The following EMC8 variants were observed in gnomAD, a reference collection of about 807,000 sequenced individuals.
EMC8 encodes the protein COX4 neighbor.
In EMC8, 11 loss-of-function variants were observed where a neutral mutation model predicts 24.3. The ratio of observed to expected loss-of-function variants is 0.45; its 90% CI spans 0.28 to 0.75. The LOEUF (loss-of-function observed/expected upper bound fraction) is 0.75. Among genes scored for constraint, EMC8 ranks in the 30% least tolerant of loss-of-function variants. EMC8 has a pLI of 0.12. For missense variants in EMC8, 277 were observed against 282.7 expected, an observed-to-expected ratio of 0.98 and a Z score of 0.14; for synonymous variants, 145 against 117.7, an observed-to-expected ratio of 1.23 and a Z score of -1.50.
Position 85,780,392 on chromosome 16 carries a change from T to C in EMC8, c.460A>G (p.Arg154Gly). ...GGGCGCACTCACTGGTGTGGGTCTC[T>C]GCACCGCCATCTGTTCTCATGGTGC... ...YEHHENRWRC[R>G]DPHHDYCEDW... The change falls in exon 4 of 5, where the codon AGA (arginine) becomes GGA (glycine). Residue 154 changes from arginine to glycine, a missense_variant. Transcript: ENST00000253457. 1.2e-6 allele frequency: 2 copies of C among 1,613,990 alleles called. No homozygotes were observed. Among genetic ancestry groups the C allele is most frequent in the Non-Finnish European group, 1.7e-6 (2 of 1,179,846 alleles).
chr16:85,792,299 CCTGG>C (rs1403349944), intron 1 of EMC8: 8 of 152,194 alleles, frequency 5.3e-5, no homozygotes, highest in Non-Finnish European at 1.2e-4. Context: ...AATGTCATGA[CCTGG>C]AACTTTAAGT....
At chr16:85,784,564 G>C (rs763678072) in intron 2 of EMC8, 1 of 152,116 alleles carries the variant, frequency 6.6e-6, no homozygotes, top group Non-Finnish European at 1.5e-5. Context: ...GAGGGAAGGG[G>C]AGGTTTTCAG....
At chr16:85,789,081 G>A in intron 1 of EMC8, 31 bp from the exon 2 acceptor site, 2 of 1,408,144 alleles carry the variant, frequency 1.4e-6, no homozygotes, top group South Asian at 1.2e-5. Flanking sequence ...GGGAAAAGAT[G>A]AATGACTCTC....
At chr16:85,789,938 C>T (rs984114838) in intron 1 of EMC8, among the ~76,000 whole-genome samples, 3 of 152,150 alleles carry the variant, frequency 2.0e-5, no homozygotes, top group East Asian at 1.9e-4. Flanking sequence ...TTCTCTCCGG[C>T]GTGCTTTGAA....
In EMC8 at chr16:85,799,397, G is replaced by A. The variant is rs1324494083; in HGVS notation, c.-102C>T. 6 of 649,474 alleles carry A rather than the reference G, an allele frequency of 9.2e-6. No individual in the cohort carries two copies. The highest frequency in any genetic ancestry group is 3.5e-5 in the East Asian group (1 of 28,710). The allele number at this position is 649,474 out of a possible 1,614,324, so 40.2% of individuals were successfully genotyped here. A position where few individuals can be genotyped will look rare whatever the true frequency, so the allele number is the denominator to read the frequency against. On this transcript the variant is annotated 5_prime_UTR_variant, in exon 1 of 5. Coordinates refer to ENST00000253457, the MANE Select transcript of EMC8 (RefSeq NM_006067.5). This position sits in a 1 kb window ranked among gnomAD's most constrained non-coding sequence, Gnocchi z 4.2. Reference sequence around the variant, plus strand: ...CAGCCGAGAAGCGGGACGAGGCGGCGGCGATTGATGGCGCGGCCGCGGGCT... The same window carrying A: ...CAGCCGAGAAGCGGGACGAGGCGGCAGCGATTGATGGCGCGGCCGCGGGCT...
In EMC8 at chr16:85,782,185, G is replaced by T. The variant is rs888531255; in HGVS notation, c.309-905C>A. ...CCGGGCCCGCCTTCTCCATCTGCAC[G>T]CTAGCAAAGCAGCTTGTCCACTGTA... On this transcript the variant is annotated intron_variant, in intron 2 of 4. Coordinates refer to ENST00000253457, the MANE Select transcript of EMC8 (RefSeq NM_006067.5). Among the ~76,000 whole-genome samples, 3 of 152,190 alleles carry T rather than the reference G, an allele frequency of 2.0e-5. No homozygotes were observed. In the South Asian group the frequency reaches 6.2e-4, roughly 31 times the overall value.
At position 85,785,319 on chromosome 16, in the gene EMC8, CA is replaced by C. The variant is rs79550832; in HGVS notation, c.308+3654del. Among the ~76,000 whole-genome samples the C allele has an allele frequency of 2.6e-3, 394 of 152,214 alleles. 6 individuals carry two copies. In the East Asian group the frequency reaches 0.038, roughly 15 times the overall value. ...GTGTGGTGGCTCATGCCTGTAATCC[CA>C]GCACTTTGGGAGGTTAAGGTGGGTG... On this transcript the variant is annotated intron_variant, in intron 2 of 4. Coordinates refer to ENST00000253457, the MANE Select transcript of EMC8 (RefSeq NM_006067.5).
intron 1 of EMC8, among the ~76,000 whole-genome samples, chr16:85,793,614 G>A (rs189379595): frequency 1.3e-5 from 2 of 152,306 alleles, no homozygotes; most frequent in African/African-American, 2.4e-5. Flanking sequence ...CAGGGCAGCC[G>A]CCGTGCAGAG....
At chr16:85,783,856 C>G (rs77212161) in intron 2 of EMC8, among the ~76,000 whole-genome samples, 1 of 152,176 alleles carries the variant, frequency 6.6e-6, no homozygotes, top group Non-Finnish European at 1.5e-5. Context: ...GACCCCCTGC[C>G]CTGCTGGAGT....
At chr16:85,791,030 G>A (rs1218843372) in intron 1 of EMC8, among the ~76,000 whole-genome samples, 1 of 151,956 alleles carries the variant, frequency 6.6e-6, no homozygotes. Context: ...GTTTCATCAT[G>A]TTGCCCAGGC....
At chr16:85,784,067 C>T (rs1212607185) in intron 2 of EMC8, among the ~76,000 whole-genome samples, 10 of 152,100 alleles carry the variant, frequency 6.6e-5, no homozygotes, top group Admixed American at 4.6e-4. Flanking sequence ...GGCGCGATCT[C>T]GGCTCACTGC....
At chr16:85,797,457 A>G (rs548925767) in intron 1 of EMC8, among the ~76,000 whole-genome samples, 1 of 152,332 alleles carries the variant, frequency 6.6e-6, no homozygotes, top group East Asian at 1.9e-4. Context: ...ACACACACAC[A>G]CACTCCCCAG....
intron 2 of EMC8, among the ~76,000 whole-genome samples, chr16:85,786,206 G>C (rs939171468): frequency 6.6e-6 from 1 of 152,216 alleles, no homozygotes. Context: ...GCCCAAGGAG[G>C]TTAATCAGTA....
At chr16:85,793,547 C>T (rs1441267594) in intron 1 of EMC8, among the ~76,000 whole-genome samples, 1 of 152,056 alleles carries the variant, frequency 6.6e-6, no homozygotes, top group Non-Finnish European at 1.5e-5. Context: ...CAAGGTGGCA[C>T]GTGAATGTTC....
chr16:85,790,081 T>A (rs567947280), intron 1 of EMC8, among the ~76,000 whole-genome samples: 3 of 152,008 alleles, frequency 2.0e-5, no homozygotes, highest in African/African-American at 7.2e-5. Context: ...TTTGGCATAA[T>A]GGAATTTGAA....
In EMC8 at chr16:85,788,833, G is replaced by A. The variant is rs1020238405; in HGVS notation, c.308+141C>T. The A allele has an allele frequency of 2.7e-5, 18 of 679,146 alleles. No individual in the cohort carries two copies. The East Asian group carries it at 4.0e-4, about 15-fold the overall frequency. The allele number at this position is 679,146 out of a possible 1,614,324, so 42.1% of individuals were successfully genotyped here. ...TTTGGAATTATCCACACCACAGTTC[G>A]CCTCAAATACTACAAATAAGCACAG... On this transcript the variant is annotated intron_variant, in intron 2 of 4. Coordinates refer to ENST00000253457, the MANE Select transcript of EMC8 (RefSeq NM_006067.5).
At chr16:85,784,706 AG>A (rs1173924308) in intron 2 of EMC8, 1 of 152,100 alleles carries the variant, frequency 6.6e-6, no homozygotes, top group Non-Finnish European at 1.5e-5. Flanking sequence ...AGTGGTGAAG[AG>A]TGGGTACAGA....
rs1427412083 is a variant in EMC8 at position 85,778,921 on chromosome 16, ACT to A, written c.*785_*786del. 2.0e-5 allele frequency: 3 copies of A among 152,244 alleles called. No individual in the cohort carries two copies. The highest frequency in any genetic ancestry group is 7.2e-5 in the African/African-American group (3 of 41,458). The allele number at this position is 152,244 out of a possible 1,614,324, so 9.4% of individuals were successfully genotyped here. On this transcript the variant is annotated 3_prime_UTR_variant, in exon 5 of 5. Coordinates refer to ENST00000253457, the MANE Select transcript of EMC8 (RefSeq NM_006067.5). The stretch of plus-strand genomic sequence containing the variant: ...TCTAAGTATAAAAAGTACAGACGTC[ACT>A]CTGCACAACTCGGGAAGTCTAAGTC...
At position 85,779,737 on chromosome 16, in the gene EMC8, T is replaced by C. The variant is rs1286371464; in HGVS notation, c.604A>G (p.Ile202Val). Residue 202 changes from isoleucine (I) to valine (V), a missense_variant, in exon 5 of 5, where the codon ATC becomes GTC. Physicochemically the swap from Ile to Val is conservative, Grantham distance 29. Coordinates refer to ENST00000253457, the MANE Select transcript of EMC8 (RefSeq NM_006067.5). ...CACAAGTGTAGGACAGCTTTATTGATCTCTGGGTTTGTCCAGTCATTCCGA... is the reference window on the plus strand; with the variant it reads ...CACAAGTGTAGGACAGCTTTATTGACCTCTGGGTTTGTCCAGTCATTCCGA... The part of the protein sequence containing the change: ...DIRNDWTNPE[I>V]NKAVLHLC 2 of 1,614,116 alleles carry C rather than the reference T, an allele frequency of 1.2e-6. No individual in the cohort carries two copies. The highest frequency in any genetic ancestry group is 1.7e-6 in the Non-Finnish European group (2 of 1,180,048).
Sources: gnomAD v4.1 joint callset for allele counts (sites outside exome capture counted in the v4.1 genomes callset) on GRCh38, gnomAD v4.1.1 for gene constraint, Gnocchi (gnomAD v3.1) non-coding constraint, MANE v1.5 for transcripts, NCBI Gene and HGNC (gene_info 2026-07-23, HGNC 2026-07-21) for gene names.